Variants in INPP5A observed in about 807,000 individuals in gnomAD.
INPP5A encodes the protein inositol polyphosphate-5-phosphatase A.
INPP5A carries 14 observed loss-of-function variants against 65.2 expected under a neutral mutation model. The ratio of observed to expected loss-of-function variants is 0.21; its 90% CI spans 0.14 to 0.34. The LOEUF (loss-of-function observed/expected upper bound fraction) is 0.34, where lower values mean the gene tolerates loss of function less well. Ranked by LOEUF, INPP5A falls within the 10% of genes least tolerant of loss-of-function variation. The pLI is 1.00. For missense variants in INPP5A, 431 were observed against 545.6 expected, an observed-to-expected ratio of 0.79 and a Z score of 2.09; for synonymous variants, 207 against 208.3, an observed-to-expected ratio of 0.99 and a Z score of 0.05.
chr10:132,615,852 G>GGC (rs1169665918), intron 2 of INPP5A, among the ~76,000 whole-genome samples: 39 of 152,286 alleles, frequency 2.6e-4, no homozygotes, highest in Non-Finnish European at 2.9e-5. Flanking sequence ...GAGGCCCCAG[G>GGC]CTGGGGCAAG....
At chr10:132,729,695 A>G (rs956556848) in intron 9 of INPP5A, among the ~76,000 whole-genome samples, 1 of 152,332 alleles carries the variant, frequency 6.6e-6, no homozygotes, top group Admixed American at 6.5e-5. Flanking sequence ...GCAGAGGGCC[A>G]GTGCTGGGGA....
At chr10:132,768,725 G>A (rs540786839) in intron 12 of INPP5A, among the ~76,000 whole-genome samples, 41 of 152,354 alleles carry the variant, frequency 2.7e-4, no homozygotes, top group Non-Finnish European at 4.9e-4. Context: ...GAGCCGAGCC[G>A]CCATCTGTAC....
At chr10:132,585,874 G>A (rs2071538942) in intron 1 of INPP5A, among the ~76,000 whole-genome samples, 1 of 152,218 alleles carries the variant, frequency 6.6e-6, no homozygotes, top group Non-Finnish European at 1.5e-5. Flanking sequence ...GCTGGTTCCT[G>A]CTAGCAGGAG....
Position 132,744,952 on chromosome 10 carries a change from C to T in INPP5A, c.733-4565C>T, listed in dbSNP as rs534006967. On this transcript the variant is annotated intron_variant, in intron 9 of 15. Coordinates refer to ENST00000368594, the MANE Select transcript of INPP5A (RefSeq NM_005539.5). Reference sequence around the variant, plus strand: ...CCTCCCGAAAGTGCTGTCCTGGGCCCGGCGGTGCAGCCCCTGGCAGCTTGC... The same window carrying T: ...CCTCCCGAAAGTGCTGTCCTGGGCCTGGCGGTGCAGCCCCTGGCAGCTTGC... Among the ~76,000 whole-genome samples the T allele has an allele frequency of 7.9e-5, 12 of 152,320 alleles. No homozygotes were observed. In the East Asian group the frequency reaches 1.4e-3, roughly 17 times the overall value.
At chr10:132,679,684 T>G (rs1359420038) in intron 4 of INPP5A, among the ~76,000 whole-genome samples, 1 of 152,156 alleles carries the variant, frequency 6.6e-6, no homozygotes. Context: ...AAATTAAAAA[T>G]CTACAAAATG....
At position 132,706,191 on chromosome 10, in the gene INPP5A, G is replaced by C. The variant is rs1844198074; in HGVS notation, c.475-2122G>C. On this transcript the variant is annotated intron_variant, in intron 6 of 15. Transcript: ENST00000368594. This position sits in a 1 kb window ranked among gnomAD's most constrained non-coding sequence, Gnocchi z 4.7. ...AAGGAGTTCATCTAAACATAGTCAA[G>C]ACGGACAAAGATTTGTGTTTGTTTG... Among the ~76,000 whole-genome samples, 1 of 152,224 alleles carries C rather than the reference G, an allele frequency of 6.6e-6. No homozygotes were observed. Among genetic ancestry groups the C allele is most frequent in the Non-Finnish European group, 1.5e-5 (1 of 68,040 alleles).
chr10:132,647,240 C>T (rs1353989661), intron 3 of INPP5A, among the ~76,000 whole-genome samples: 4 of 152,004 alleles, frequency 2.6e-5, no homozygotes, highest in Admixed American at 2.0e-4. Flanking sequence ...CTCAGCCTCC[C>T]GAGTAGCTGG....
intron 1 of INPP5A, among the ~76,000 whole-genome samples, chr10:132,560,401 A>G (rs560564497): frequency 6.6e-6 from 1 of 152,322 alleles, no homozygotes; most frequent in South Asian, 2.1e-4. Context: ...TGAGGGCTGC[A>G]GACTTCCAAC....
chr10:132,702,058 G>A (rs1390166425), intron 6 of INPP5A, among the ~76,000 whole-genome samples: 2 of 152,260 alleles, frequency 1.3e-5, no homozygotes, highest in African/African-American at 2.4e-5. Flanking sequence ...CCGTGGAAGT[G>A]TCAGGACACT....
chr10:132,712,442 GGTGT>G (rs776998867), intron 8 of INPP5A, among the ~76,000 whole-genome samples: 9 of 150,092 alleles, frequency 6.0e-5, no homozygotes, highest in African/African-American at 4.9e-5. Context: ...CGCGTGTGTG[GGTGT>G]GTGTGGGTGC....
chr10:132,584,593 T>A (rs1233621209), intron 1 of INPP5A, among the ~76,000 whole-genome samples: 1 of 152,234 alleles, frequency 6.6e-6, no homozygotes, highest in Non-Finnish European at 1.5e-5. Context: ...TTTTAATGTC[T>A]ATAGTGATAA....
At chr10:132,615,959 C>T (rs1465477695) in intron 2 of INPP5A, among the ~76,000 whole-genome samples, 2 of 152,320 alleles carry the variant, frequency 1.3e-5, no homozygotes, top group Non-Finnish European at 1.5e-5. Flanking sequence ...GTGGGCCTGG[C>T]ACCTGAGGCC....
intron 8 of INPP5A, among the ~76,000 whole-genome samples, chr10:132,719,340 T>C (rs1845813879): frequency 6.7e-6 from 1 of 149,822 alleles, no homozygotes; most frequent in Admixed American, 6.6e-5. Flanking sequence ...GGTTCTGTGG[T>C]ACCTGGGTTC....
intron 11 of INPP5A, among the ~76,000 whole-genome samples, chr10:132,756,735 A>G (rs998980147): frequency 2.8e-4 from 42 of 152,266 alleles, no homozygotes; most frequent in Admixed American, 1.8e-3. Flanking sequence ...TAATAAAAAA[A>G]GGTACCTGTA....
At position 132,555,795 on chromosome 10, in the gene INPP5A, C is replaced by A. The variant is rs761914784; in HGVS notation, c.75+17624C>A. Reference sequence around the variant, plus strand: ...GCAGGGTGTTTTGTTGCCCTCAGCACGTGTGGTCTGCACAGACAGACCAGG... The same window carrying A: ...GCAGGGTGTTTTGTTGCCCTCAGCAAGTGTGGTCTGCACAGACAGACCAGG... On this transcript the variant is annotated intron_variant, in intron 1 of 15. Coordinates refer to ENST00000368594, the MANE Select transcript of INPP5A (RefSeq NM_005539.5). The surrounding 1 kb of genome is among the most constrained non-coding windows in gnomAD (Gnocchi z 4.4). Among the ~76,000 whole-genome samples, 1 of 152,188 alleles carries A rather than the reference C, an allele frequency of 6.6e-6. No homozygotes were observed.
intron 1 of INPP5A, among the ~76,000 whole-genome samples, chr10:132,557,248 G>A (rs570129944): frequency 6.6e-6 from 1 of 152,230 alleles, no homozygotes; most frequent in Non-Finnish European, 1.5e-5. Flanking sequence ...AGGCACCCTC[G>A]CCCGGGGCCA....
chr10:132,775,020 G>A (rs1187122314), intron 12 of INPP5A, among the ~76,000 whole-genome samples: 1 of 42,714 alleles, frequency 2.3e-5, no homozygotes. Flanking sequence ...AGGAGGGGCA[G>A]GGAGGAGGGG....
rs752908045 is a variant in INPP5A at position 132,538,086 on chromosome 10, G to T, written c.-11G>T. 2 of 1,171,672 alleles carry T rather than the reference G, an allele frequency of 1.7e-6. No homozygotes were observed. The highest frequency in any genetic ancestry group is 3.2e-5 in the African/African-American group (2 of 61,934). The allele number at this position is 1,171,672 out of a possible 1,614,324, so 72.6% of individuals were successfully genotyped here. Reference sequence around the variant, plus strand: ...CGCCGCCCAGCCCAGCGCCCGCGCCGCCCGGGCACCATGGCGGGGAAGGCG... The same window carrying T: ...CGCCGCCCAGCCCAGCGCCCGCGCCTCCCGGGCACCATGGCGGGGAAGGCG... On this transcript the variant is annotated 5_prime_UTR_variant, in exon 1 of 16. Coordinates refer to ENST00000368594, the MANE Select transcript of INPP5A (RefSeq NM_005539.5). The surrounding 1 kb of genome is among the most constrained non-coding windows in gnomAD (Gnocchi z 4.1).
chr10:132,632,332 C>A (rs909636533), intron 2 of INPP5A, among the ~76,000 whole-genome samples: 2 of 152,218 alleles, frequency 1.3e-5, no homozygotes, highest in African/African-American at 4.8e-5. Flanking sequence ...GATGCCAGGG[C>A]GCCTGTGTCC....
Sources: gnomAD v4.1 joint callset for allele counts (sites outside exome capture counted in the v4.1 genomes callset) on GRCh38, gnomAD v4.1.1 for gene constraint, Gnocchi (gnomAD v3.1) non-coding constraint, MANE v1.5 for transcripts, NCBI Gene and HGNC (gene_info 2026-07-23, HGNC 2026-07-21) for gene names.